The following ANO6 variants were observed in gnomAD, a reference collection of about 807,000 sequenced individuals.
ANO6 encodes anoctamin-6.
In ANO6, 106 loss-of-function variants were observed where a neutral mutation model predicts 117.5. The ratio of observed to expected loss-of-function variants is 0.90; its 90% CI spans 0.77 to 1.06. The LOEUF is 1.06. ANO6 is among the 50% of genes least tolerant of loss of function. The probability of loss-of-function intolerance (pLI) is 0.00; values close to 1 mark genes in which losing one functional copy is unlikely to be tolerated. For missense variants in ANO6, 955 were observed against 1,121.1 expected, an observed-to-expected ratio of 0.85 and a Z score of 2.12; for synonymous variants, 367 against 385.1, an observed-to-expected ratio of 0.95 and a Z score of 0.55.
intron 1 of ANO6, among the ~76,000 whole-genome samples, chr12:45,293,976 A>G (rs1045992570): frequency 6.6e-6 from 1 of 152,098 alleles, no homozygotes; most frequent in East Asian, 1.9e-4. Flanking sequence ...AATTAGTGCT[A>G]TAGGAGCATG....
chr12:45,315,937 ACCT>A (rs944136212), intron 2 of ANO6, among the ~76,000 whole-genome samples: 41 of 151,782 alleles, frequency 2.7e-4, no homozygotes, highest in African/African-American at 9.4e-4. Context: ...TCCATTGCTA[ACCT>A]CCTCAGGTAG....
At chr12:45,378,724 T>A (rs1462413882) in intron 10 of ANO6, among the ~76,000 whole-genome samples, 2 of 152,132 alleles carry the variant, frequency 1.3e-5, no homozygotes, top group Non-Finnish European at 2.9e-5. Flanking sequence ...TTGGAAGCCA[T>A]TATTGCAACA....
At chr12:45,437,018 G>A (rs147436298), downstream of ANO6, among the ~76,000 whole-genome samples, 2 of 152,236 alleles carry the variant, frequency 1.3e-5, no homozygotes, top group East Asian at 3.9e-4. Context: ...AGGCCCCAGG[G>A]TTATACCTTA....
intron 1 of ANO6, among the ~76,000 whole-genome samples, chr12:45,283,193 A>G (rs1410971774): frequency 6.6e-6 from 1 of 152,250 alleles, no homozygotes; most frequent in Non-Finnish European, 1.5e-5. Context: ...GTCGAAGTAT[A>G]TGCACATTTA....
intron 1 of ANO6, among the ~76,000 whole-genome samples, chr12:45,285,335 T>C (rs1202805683): frequency 2.0e-5 from 3 of 152,208 alleles, no homozygotes; most frequent in Non-Finnish European, 4.4e-5. Flanking sequence ...CAGAATCAAC[T>C]ATCAAAGTAT....
chr12:45,409,419 G>A lies in ANO6; in HGVS notation c.1943G>A (p.Arg648Gln), dbSNP rs151249310. Reference protein sequence around the residue: ...RVSGSEKITPRWEQDYHLQPM... With the variant: ...RVSGSEKITPQWEQDYHLQPM... Reference sequence around the variant, plus strand: ...TCTGGATCAGAAAAGATAACCCCACGATGGGAACAGGACTACCATCTGCAG... The same window carrying A: ...TCTGGATCAGAAAAGATAACCCCACAATGGGAACAGGACTACCATCTGCAG... Residue 648 changes from arginine (R) to glutamine (Q), a missense_variant, in exon 16 of 20, where the codon CGA becomes CAA. Transcript: ENST00000320560. 48 of 1,614,012 alleles carry A rather than the reference G, an allele frequency of 3.0e-5. No individual in the cohort carries two copies. The East Asian group carries it at 4.0e-4, about 13-fold the overall frequency.
At chr12:45,265,336 A>G (rs527352389) in intron 1 of ANO6, among the ~76,000 whole-genome samples, 2 of 152,310 alleles carry the variant, frequency 1.3e-5, no homozygotes, top group South Asian at 2.1e-4. Flanking sequence ...AAAAAGACAG[A>G]TGGCCTTACC....
At chr12:45,294,260 C>A (rs1226746162) in intron 1 of ANO6, among the ~76,000 whole-genome samples, 1 of 152,078 alleles carries the variant, frequency 6.6e-6, no homozygotes. Context: ...CAAAGGGGAA[C>A]CTTTTGAGGA....
At position 45,416,712 on chromosome 12, in the gene ANO6, G is replaced by T. The variant is rs139514153; in HGVS notation, c.2025G>T (p.Gly675=). The part of the protein sequence containing the change: ...YEYLEMIIQF[G]FVTLFVASFP... Reference sequence around the variant, plus strand: ...TTCCATTGACAGTTATTCAGTTTGGGTTCGTCACCTTATTTGTGGCCTCTT... The same window carrying T: ...TTCCATTGACAGTTATTCAGTTTGGTTTCGTCACCTTATTTGTGGCCTCTT... The change falls in exon 17 of 20, where the codon GGG becomes GGT. Residue 675 remains glycine (G), a synonymous_variant. Transcript: ENST00000320560. The T allele has an allele frequency of 3.9e-5, 63 of 1,613,994 alleles. No homozygotes were observed. The African/African-American group carries it at 7.7e-4, about 20-fold the overall frequency.
At chr12:45,274,793 A>G (rs536758712) in intron 1 of ANO6, among the ~76,000 whole-genome samples, 18 of 146,756 alleles carry the variant, frequency 1.2e-4, no homozygotes, top group Non-Finnish European at 1.5e-4. Flanking sequence ...CCTGGCCACT[A>G]TCCTCATCAT....
intron 10 of ANO6, 146 bp downstream of exon 10, chr12:45,378,259 C>A: frequency 1.3e-6 from 1 of 771,574 alleles, no homozygotes; most frequent in Non-Finnish European, 2.1e-6. Context: ...GGGCATTTAT[C>A]AGTTAACTTT....
intron 12 of ANO6, among the ~76,000 whole-genome samples, chr12:45,393,651 C>T (rs976794549): frequency 6.6e-6 from 1 of 152,174 alleles, no homozygotes; most frequent in African/African-American, 2.4e-5. Flanking sequence ...CATCTCTTGG[C>T]AGAAACCCTA....
intron 7 of ANO6, among the ~76,000 whole-genome samples, chr12:45,355,965 A>G (rs927979148): frequency 6.6e-6 from 1 of 152,206 alleles, no homozygotes; most frequent in African/African-American, 2.4e-5. Context: ...TCCTTATCGT[A>G]CAGATCAAGA....
intron 19 of ANO6, among the ~76,000 whole-genome samples, chr12:45,439,089 G>T (rs990838016): frequency 1.3e-5 from 2 of 152,142 alleles, no homozygotes; most frequent in Non-Finnish European, 2.9e-5. Context: ...AGCTTGGTTT[G>T]GTACAATGGC....
chr12:45,399,448 C>G (rs1942725309), intron 12 of ANO6, among the ~76,000 whole-genome samples: 1 of 152,114 alleles, frequency 6.6e-6, no homozygotes, highest in Non-Finnish European at 1.5e-5. Context: ...CCCGCCGCAG[C>G]CCCTCAAAGT....
rs1942798464 is a variant in ANO6, at chr12:45,401,869, A to G, written c.1461A>G (p.Lys487=). The G allele has an allele frequency of 1.2e-6, 2 of 1,613,540 alleles. No individual in the cohort carries two copies. Among genetic ancestry groups the G allele is most frequent in the Non-Finnish European group, 1.7e-6 (2 of 1,179,864 alleles). ...CGGTGTTCATTGTATTTTCTGCAAAACTTCCCAAGAACATTAATGGAACAG... is the reference window on the plus strand; with the variant it reads ...CGGTGTTCATTGTATTTTCTGCAAAGCTTCCCAAGAACATTAATGGAACAG... ...RLSVFIVFSA[K]LPKNINGTDP... Residue 487 remains lysine, a synonymous_variant, in exon 13 of 20, where the codon AAA becomes AAG. Coordinates refer to ENST00000320560, the MANE Select transcript of ANO6 (RefSeq NM_001025356.3).
intron 12 of ANO6, among the ~76,000 whole-genome samples, chr12:45,392,625 C>CTA (rs1451738060): frequency 6.6e-6 from 1 of 152,170 alleles, no homozygotes; most frequent in African/African-American, 2.4e-5. Flanking sequence ...ATATAGGGTG[C>CTA]TACCTCTCTG....
rs1941098802 is a variant in ANO6, at chr12:45,345,289, CT to C, written c.280-1729del. ...AATGTAGCCAAATACCAGGTATATTCTTTTACTTTTTGACCTTTGGTCTTTT... is the reference window on the plus strand; with the variant it reads ...AATGTAGCCAAATACCAGGTATATTCTTTACTTTTTGACCTTTGGTCTTTT... On this transcript the variant is annotated intron_variant, in intron 3 of 19. Transcript: ENST00000320560. Among the ~76,000 whole-genome samples, 7 of 152,306 alleles carry C rather than the reference CT, an allele frequency of 4.6e-5. No individual in the cohort carries two copies. The South Asian group carries it at 1.4e-3, about 32-fold the overall frequency.
chr12:45,217,578 C>T (rs1254422284), intron 1 of ANO6, among the ~76,000 whole-genome samples: 2 of 152,170 alleles, frequency 1.3e-5, no homozygotes, highest in African/African-American at 4.8e-5. Context: ...ACTAGTTATT[C>T]ATCTTTAAGG....
Sources: gnomAD v4.1 joint callset for allele counts (sites outside exome capture counted in the v4.1 genomes callset) on GRCh38, gnomAD v4.1.1 for gene constraint, MANE v1.5 for transcripts, NCBI Gene and HGNC (gene_info 2026-07-23, HGNC 2026-07-21) for gene names.